Variants in WDR49 observed in about 807,000 individuals in gnomAD.
WDR49 encodes cilia- and flagella-associated protein 337.
WDR49 carries 107 observed loss-of-function variants against 119.5 expected under a neutral mutation model. The observed-to-expected ratio is 0.90, with a 90% CI of 0.77 to 1.05. WDR49 has a LOEUF of 1.05. Ranked by LOEUF, WDR49 falls within the 50% of genes least tolerant of loss-of-function variation. WDR49 has a pLI of 0.00. For synonymous variants in WDR49, 425 were observed against 418.8 expected (o/e 1.01, Z -0.18); for missense variants, 1,240 against 1,220.5 (o/e 1.02, Z -0.24).
chr3:167,591,618 T>G (rs528779959), intron 7 of WDR49, among the ~76,000 whole-genome samples: 8 of 152,322 alleles, frequency 5.3e-5, no homozygotes, highest in African/African-American at 1.9e-4. Flanking sequence ...AATTGTTATA[T>G]TCTCTTGCTG....
chr3:167,482,334 G>A (rs1033328821), intron 18 of WDR49, among the ~76,000 whole-genome samples: 2 of 151,968 alleles, frequency 1.3e-5, no homozygotes, highest in Admixed American at 6.6e-5. Flanking sequence ...AAGAAATTTA[G>A]GGATTATTGT....
chr3:167,582,176 G>A (rs1714568770), intron 7 of WDR49, among the ~76,000 whole-genome samples: 1 of 151,732 alleles, frequency 6.6e-6, no homozygotes, highest in African/African-American at 2.4e-5. Flanking sequence ...AGGAATGGAG[G>A]GCATTGCTTT....
chr3:167,569,952 C>G (rs1173486945), intron 8 of WDR49, among the ~76,000 whole-genome samples: 1 of 152,066 alleles, frequency 6.6e-6, no homozygotes, highest in African/African-American at 2.4e-5. Flanking sequence ...AAACTAATCA[C>G]ATTAAATAAA....
intron 5 of WDR49, among the ~76,000 whole-genome samples, chr3:167,616,725 A>T (rs1181470798): frequency 1.3e-5 from 2 of 152,190 alleles, no homozygotes; most frequent in Non-Finnish European, 2.9e-5. Context: ...AAATCCAAGA[A>T]TTTTAATGAA....
chr3:167,576,241 G>A, intron 7 of WDR49, 90 bp from the exon 8 acceptor site: 1 of 1,053,854 alleles, frequency 9.5e-7, no homozygotes, highest in South Asian at 1.5e-5. Context: ...CTCAATACCA[G>A]GCAGACAGTT....
At chr3:167,622,815 G>A (rs1716934325) in intron 3 of WDR49, among the ~76,000 whole-genome samples, 2 of 151,930 alleles carry the variant, frequency 1.3e-5, no homozygotes, top group South Asian at 4.1e-4. Flanking sequence ...CCATATATTA[G>A]GTGATAAAGC....
chr3:167,531,804 G>A (rs773350223), intron 12 of WDR49, among the ~76,000 whole-genome samples: 1 of 152,054 alleles, frequency 6.6e-6, no homozygotes, highest in Non-Finnish European at 1.5e-5. Flanking sequence ...AAACACTGGG[G>A]ATATTCGTCT....
chr3:167,649,954 C>T (rs1406683113), intron 2 of WDR49, among the ~76,000 whole-genome samples: 1 of 152,174 alleles, frequency 6.6e-6, no homozygotes, highest in African/African-American at 2.4e-5. Context: ...CAGGACCTAA[C>T]CTGGAGAGCC....
chr3:167,510,517 C>T (rs1164167018), intron 16 of WDR49, among the ~76,000 whole-genome samples: 1 of 151,950 alleles, frequency 6.6e-6, no homozygotes, highest in African/African-American at 2.4e-5. Context: ...TCTATTTCTC[C>T]ATATCAATTG....
intron 18 of WDR49, among the ~76,000 whole-genome samples, chr3:167,498,124 G>A (rs546166832): frequency 2.0e-5 from 3 of 152,246 alleles, no homozygotes; most frequent in South Asian, 4.1e-4. Flanking sequence ...ACGGGCATGA[G>A]CCACCGCGCC....
intron 16 of WDR49, among the ~76,000 whole-genome samples, chr3:167,521,670 T>A (rs1315539828): frequency 6.6e-6 from 1 of 152,150 alleles, no homozygotes; most frequent in East Asian, 1.9e-4. Flanking sequence ...AGCTCAGATA[T>A]CTATCTCTAC....
intron 9 of WDR49, among the ~76,000 whole-genome samples, chr3:167,559,150 C>T (rs923475557): frequency 6.6e-6 from 1 of 152,178 alleles, no homozygotes; most frequent in Non-Finnish European, 1.5e-5. Context: ...CCTGTAATCT[C>T]CCTGAATACC....
At chr3:167,564,844 C>T (rs573391828) in intron 8 of WDR49, among the ~76,000 whole-genome samples, 3 of 152,088 alleles carry the variant, frequency 2.0e-5, no homozygotes, top group African/African-American at 7.2e-5. Context: ...TGTCTTATTG[C>T]TATTCCAATA....
At chr3:167,597,798 C>G (rs545572217) in intron 7 of WDR49, among the ~76,000 whole-genome samples, 2 of 152,142 alleles carry the variant, frequency 1.3e-5, no homozygotes, top group Admixed American at 1.3e-4. Context: ...TTTGTTGTGG[C>G]CAATTTCTCC....
chr3:167,541,421 C>T lies in WDR49; in HGVS notation c.1824-4421G>A, dbSNP rs545884700. Among the ~76,000 whole-genome samples, 42 of 152,186 alleles carry T rather than the reference C, an allele frequency of 2.8e-4. No individual in the cohort carries two copies. The East Asian group carries it at 4.4e-3, about 16-fold the overall frequency. ...TTAGCCTCCTCAAACAAAGTAATTG[C>T]CAGCCAAGAATTTTGTATCCAGCAA... On this transcript the variant is annotated intron_variant, in intron 10 of 18. Coordinates refer to ENST00000682715, the MANE Select transcript of WDR49 (RefSeq NM_001366157.1).
chr3:167,529,020 T>TAA (rs745771758), intron 14 of WDR49, 32 bp downstream of exon 14: 64 of 1,493,778 alleles, frequency 4.3e-5, no homozygotes, highest in Non-Finnish European at 5.3e-5. Context: ...CCAAAAATCT[T>TAA]AAAGGTAATG....
intron 8 of WDR49, among the ~76,000 whole-genome samples, chr3:167,574,820 T>G (rs141568977): frequency 1.4e-3 from 208 of 152,296 alleles, no homozygotes; most frequent in Admixed American, 3.5e-3. Context: ...AATACATCTC[T>G]CAGTGGCCAC....
intron 5 of WDR49, among the ~76,000 whole-genome samples, chr3:167,617,653 A>T (rs556127197): frequency 6.6e-6 from 1 of 152,280 alleles, no homozygotes; most frequent in South Asian, 2.1e-4. Flanking sequence ...AACTGGGAAG[A>T]GTCTATGCAT....
intron 2 of WDR49, among the ~76,000 whole-genome samples, chr3:167,644,580 T>C (rs1232602993): frequency 1.3e-5 from 2 of 152,144 alleles, no homozygotes; most frequent in Non-Finnish European, 2.9e-5. Context: ...ATTCATCCAG[T>C]TGATGAATAT....
Sources: gnomAD v4.1 joint callset for allele counts (sites outside exome capture counted in the v4.1 genomes callset) on GRCh38, gnomAD v4.1.1 for gene constraint, MANE v1.5 for transcripts, NCBI Gene and HGNC (gene_info 2026-07-23, HGNC 2026-07-21) for gene names.